The following GOSR2 variants were observed in gnomAD, a reference collection of about 807,000 sequenced individuals.
The protein encoded by GOSR2 is golgi SNAP receptor complex member 2, also known as 27 kDa Golgi SNARE protein.
A neutral mutation model predicts 27.9 loss-of-function variants in GOSR2; 20 were observed. That is an observed-to-expected ratio of 0.72 (90% CI 0.50 to 1.04). GOSR2 has a LOEUF of 1.04. Among genes scored for constraint, GOSR2 ranks in the 50% least tolerant of loss-of-function variants. GOSR2 has a pLI of 0.00. For missense variants in GOSR2, 261 were observed against 270.5 expected, an observed-to-expected ratio of 0.97 and a Z score of 0.25; for synonymous variants, 91 against 98.8, an observed-to-expected ratio of 0.92 and a Z score of 0.47.
intron 2 of GOSR2, 169 bp from the exon 3 acceptor site, chr17:46,930,930 A>T (rs1461413119): frequency 3.2e-6 from 2 of 624,646 alleles, no homozygotes; most frequent in Non-Finnish European, 5.7e-6. Flanking sequence ...AACAACATTT[A>T]CGGCCTAACT....
intron 6 of GOSR2, among the ~76,000 whole-genome samples, chr17:46,961,538 TA>T (rs918827260): frequency 1.3e-5 from 2 of 151,914 alleles, no homozygotes; most frequent in African/African-American, 2.4e-5. Context: ...CTGCCTCTGT[TA>T]AAAAAAGAAG....
chr17:46,935,504 A>G, intron 5 of GOSR2: 1 of 1,324,460 alleles, frequency 7.6e-7, no homozygotes, highest in East Asian at 3.0e-5. Context: ...TACTCTTGGA[A>G]GAATGAAGAC....
In GOSR2 at chr17:46,931,095, A is replaced by G. The variant is rs758376476; in HGVS notation, c.95-4A>G. ...GCAATTATTCTTTTTTCTTTTTTGT[A>G]CAGTAGTAGAAAACGAAATCCAAGC... On this transcript the variant is annotated splice_region_variant and splice_polypyrimidine_tract_variant and intron_variant, in intron 2 of 5. Coordinates refer to ENST00000640051, the MANE Select transcript of GOSR2 (RefSeq NM_004287.5). The G allele has an allele frequency of 1.4e-6, 2 of 1,427,726 alleles. No homozygotes were observed. Among genetic ancestry groups the G allele is most frequent in the Non-Finnish European group, 2.0e-6 (2 of 1,011,036 alleles). The allele number at this position is 1,427,726 out of a possible 1,614,324, so 88.4% of individuals were successfully genotyped here.
chr17:46,939,432 C>G lies in GOSR2; in HGVS notation c.*672C>G, dbSNP rs2088946408. ...TCTAAAGTGAGGCCAGTGTTATTTCCCGGGAGTGTTCAGTCTTGACCCTAG... is the reference window on the plus strand; with the variant it reads ...TCTAAAGTGAGGCCAGTGTTATTTCGCGGGAGTGTTCAGTCTTGACCCTAG... On this transcript the variant is annotated 3_prime_UTR_variant, in exon 6 of 6. Coordinates refer to ENST00000640051, the MANE Select transcript of GOSR2 (RefSeq NM_004287.5). The G allele has an allele frequency of 1.0e-6, 1 of 992,424 alleles. No homozygotes were observed. Among genetic ancestry groups the G allele is most frequent in the South Asian group, 4.5e-5 (1 of 22,122 alleles). 61.5% of individuals were successfully genotyped at this position (992,424 alleles called of 1,614,324 possible).
At chr17:46,951,591 T>A (rs942661103) in intron 6 of GOSR2, among the ~76,000 whole-genome samples, 2 of 152,154 alleles carry the variant, frequency 1.3e-5, no homozygotes, top group African/African-American at 2.4e-5. Context: ...GGACTTTCTT[T>A]TGCCCCCATG....
intron 6 of GOSR2, among the ~76,000 whole-genome samples, chr17:46,956,231 G>T (rs1211118647): frequency 6.6e-6 from 1 of 150,664 alleles, no homozygotes; most frequent in Admixed American, 6.6e-5. Flanking sequence ...CCCCTCTGGG[G>T]TAGAAATCTC....
At chr17:46,942,478 C>G (rs537036023), downstream of GOSR2, among the ~76,000 whole-genome samples, 2 of 152,322 alleles carry the variant, frequency 1.3e-5, no homozygotes, top group South Asian at 4.1e-4. Context: ...GAACCATGGG[C>G]CCACTTAATC....
At chr17:46,926,047 C>G (rs1392356404) in intron 1 of GOSR2, among the ~76,000 whole-genome samples, 1 of 152,154 alleles carries the variant, frequency 6.6e-6, no homozygotes, top group Non-Finnish European at 1.5e-5. Context: ...ACACAAGAAG[C>G]ACTACATTTA....
At chr17:46,943,391 G>A (rs552834640), downstream of GOSR2, among the ~76,000 whole-genome samples, 5 of 152,136 alleles carry the variant, frequency 3.3e-5, no homozygotes, top group Admixed American at 1.3e-4. Flanking sequence ...CTGGTGTTCC[G>A]TCCTCCCTGG....
downstream of GOSR2, among the ~76,000 whole-genome samples, chr17:46,969,871 C>T (rs1174820158): frequency 6.6e-6 from 1 of 152,166 alleles, no homozygotes; most frequent in African/African-American, 2.4e-5. Flanking sequence ...TCCCCTTGCC[C>T]CCTCTCTGGT....
At chr17:46,924,942 T>C (rs145660892) in intron 1 of GOSR2, among the ~76,000 whole-genome samples, 2 of 152,336 alleles carry the variant, frequency 1.3e-5, no homozygotes, top group East Asian at 3.9e-4. Flanking sequence ...CCATGACCCA[T>C]TTTATATTCA....
chr17:46,939,284 T>C lies in GOSR2; in HGVS notation c.*524T>C. 1 of 1,024,440 alleles carries C rather than the reference T, an allele frequency of 9.8e-7. No homozygotes were observed. Among genetic ancestry groups the C allele is most frequent in the Non-Finnish European group, 1.2e-6 (1 of 851,216 alleles). The allele number at this position is 1,024,440 out of a possible 1,614,324, so 63.5% of individuals were successfully genotyped here. ...CCCTCCCCTGTGCCTCAGTGACATG[T>C]AGATGACTGACTGCCAATACTTGTC... On this transcript the variant is annotated 3_prime_UTR_variant, in exon 6 of 6. Transcript: ENST00000640051.
At position 46,935,223 on chromosome 17, in the gene GOSR2, A is replaced by G. The variant is rs1368174353; in HGVS notation, c.477+54A>G. On this transcript the variant is annotated intron_variant, in intron 5 of 5. Coordinates refer to ENST00000640051, the MANE Select transcript of GOSR2 (RefSeq NM_004287.5). ...AGGCCTCTTGTTTTAGCCTCATCCA[A>G]CAGTTTAGTAACTGTGTTTATATTT... The G allele has an allele frequency of 1.9e-6, 3 of 1,612,440 alleles. No individual in the cohort carries two copies. The African/African-American group carries it at 4.0e-5, about 22-fold the overall frequency.
chr17:46,973,530 TG>T (rs1008080286), intron 6 of GOSR2, among the ~76,000 whole-genome samples: 1 of 152,082 alleles, frequency 6.6e-6, no homozygotes, highest in Non-Finnish European at 1.5e-5. Flanking sequence ...TCCTTATCCA[TG>T]GACTGGAGTG....
At chr17:46,931,399 G>T in intron 3 of GOSR2, 192 bp downstream of exon 3, 1 of 611,454 alleles carries the variant, frequency 1.6e-6, no homozygotes, top group South Asian at 2.0e-5. Flanking sequence ...AGCCTGTGAG[G>T]TTTGTGACTC....
Position 46,929,847 on chromosome 17 carries a change from A to G in GOSR2, c.94+263A>G, listed in dbSNP as rs2072317. Reference sequence around the variant, plus strand: ...GGAATGGAAGCGCTTGCCTCCATCTATCTTAATCTAATTACCTAGTCCTTA... The same window carrying G: ...GGAATGGAAGCGCTTGCCTCCATCTGTCTTAATCTAATTACCTAGTCCTTA... On this transcript the variant is annotated intron_variant, in intron 2 of 5. Transcript: ENST00000640051. 0.64 allele frequency: 291,830 copies of G among 453,756 alleles called. 94,823 individuals are homozygous for G. The highest frequency in any genetic ancestry group is 0.7 in the Middle Eastern group (1,099 of 1,570). 28.1% of individuals were successfully genotyped at this position (453,756 alleles called of 1,614,324 possible).
At chr17:46,930,333 C>T (rs1160978228) in intron 2 of GOSR2, 3 of 152,306 alleles carry the variant, frequency 2.0e-5, no homozygotes, top group African/African-American at 7.2e-5. Context: ...AGTCTGGATG[C>T]TTTCTTTTGT....
At position 46,950,127 on chromosome 17, in the gene GOSR2, AT is replaced by A. The variant is rs548681567; in HGVS notation, c.583+11425del. On this transcript the variant is annotated intron_variant, in intron 6 of 6. Coordinates refer to the GOSR2 transcript ENST00000573224. ...CACTTTCATATCATAGGAACTTGAG[AT>A]TCTCTTTCTCAGTTGTTGCCTTTCC... Among the ~76,000 whole-genome samples the A allele has an allele frequency of 4.6e-5, 7 of 152,336 alleles. No individual in the cohort carries two copies. The South Asian group carries it at 1.5e-3, about 32-fold the overall frequency.
chr17:46,932,678 A>T lies in GOSR2; in HGVS notation c.336+479A>T, dbSNP rs534031549. On this transcript the variant is annotated intron_variant, in intron 4 of 5. Coordinates refer to ENST00000640051, the MANE Select transcript of GOSR2 (RefSeq NM_004287.5). ...CAGCAATTTGGAGGAATTTGTTAACAGATGTTTAGGGTTAGATGGACTGCT... is the reference window on the plus strand; with the variant it reads ...CAGCAATTTGGAGGAATTTGTTAACTGATGTTTAGGGTTAGATGGACTGCT... 652 of 236,500 alleles carry T rather than the reference A, an allele frequency of 2.8e-3. 2 individuals are homozygous for T. Among genetic ancestry groups the T allele is most frequent in the African/African-American group, 0.014 (624 of 44,154 alleles). The allele number at this position is 236,500 out of a possible 1,614,324, so 14.7% of individuals were successfully genotyped here. A position where few individuals can be genotyped will look rare whatever the true frequency, so the allele number is the denominator to read the frequency against.
Sources: allele counts gnomAD v4.1 joint callset (sites outside exome capture counted in the v4.1 genomes callset), GRCh38; gene constraint gnomAD v4.1.1; transcripts MANE v1.5; gene names NCBI Gene and HGNC (gene_info 2026-07-23, HGNC 2026-07-21).